Variants in PABPC4L observed in about 807,000 individuals in gnomAD.
PABPC4L encodes polyadenylate-binding protein 4-like.
For synonymous variants in PABPC4L, 169 were observed against 164.1 expected (o/e 1.03, Z -0.23); for missense variants, 452 against 451.4 (o/e 1.00, Z -0.01).
the PABPC4L span, among the ~76,000 whole-genome samples, chr4:134,140,107 T>C: frequency 6.6e-6 from 1 of 151,804 alleles, no homozygotes; most frequent in Non-Finnish European, 1.5e-5. Flanking sequence ...TCAAAGAATA[T>C]AAAGTTTTAG....
the PABPC4L span, among the ~76,000 whole-genome samples, chr4:133,966,921 G>A: frequency 6.6e-6 from 1 of 152,120 alleles, no homozygotes. Context: ...TGGTGTTCCG[G>A]TGAAAGAAAT....
chr4:134,119,315 C>T, the PABPC4L span, among the ~76,000 whole-genome samples: 2 of 151,676 alleles, frequency 1.3e-5, no homozygotes, highest in African/African-American at 4.8e-5. Context: ...TTTCTGACTA[C>T]AAACTGATAT....
chr4:133,992,133 G>A, the PABPC4L span, among the ~76,000 whole-genome samples: 2 of 152,160 alleles, frequency 1.3e-5, no homozygotes, highest in Non-Finnish European at 2.9e-5. Context: ...CAAATCATAA[G>A]GGAATGGGAT....
chr4:134,006,480 C>A, the PABPC4L span, among the ~76,000 whole-genome samples: 1 of 151,806 alleles, frequency 6.6e-6, no homozygotes, highest in Non-Finnish European at 1.5e-5. Flanking sequence ...GCTTTTTCAG[C>A]CTTTCTCAGT....
At chr4:134,107,611 A>G in the PABPC4L span, among the ~76,000 whole-genome samples, 1 of 151,630 alleles carries the variant, frequency 6.6e-6, no homozygotes, top group Non-Finnish European at 1.5e-5. Flanking sequence ...TTTTGTTGCA[A>G]CAGCCTTTTT....
the PABPC4L span, among the ~76,000 whole-genome samples, chr4:134,038,448 G>C: frequency 1.3e-5 from 2 of 152,066 alleles, no homozygotes; most frequent in Admixed American, 6.6e-5. Flanking sequence ...AATCCATCTG[G>C]TCCAGGACTT....
the PABPC4L span, among the ~76,000 whole-genome samples, chr4:134,153,247 T>C: frequency 6.6e-6 from 1 of 152,162 alleles, no homozygotes; most frequent in Non-Finnish European, 1.5e-5. Flanking sequence ...AATCGCAATA[T>C]AAAATTCATC....
chr4:134,011,620 T>A, the PABPC4L span, among the ~76,000 whole-genome samples: 1 of 152,164 alleles, frequency 6.6e-6, no homozygotes, highest in Non-Finnish European at 1.5e-5. Flanking sequence ...AATACGATTA[T>A]TTTATTCTCT....
the PABPC4L span, among the ~76,000 whole-genome samples, chr4:134,182,279 A>T: frequency 6.6e-6 from 1 of 152,168 alleles, no homozygotes; most frequent in African/African-American, 2.4e-5. Context: ...GACCAGTGGA[A>T]CATAATAGAG....
chr4:134,065,346 T>C, the PABPC4L span, among the ~76,000 whole-genome samples: 1 of 151,952 alleles, frequency 6.6e-6, no homozygotes, highest in Non-Finnish European at 1.5e-5. Flanking sequence ...CTAATATTAG[T>C]GATGTTGAGC....
chr4:134,070,401 A>T, the PABPC4L span, among the ~76,000 whole-genome samples: 4 of 152,218 alleles, frequency 2.6e-5, no homozygotes, highest in Admixed American at 2.6e-4. Context: ...TCATACCAGC[A>T]GCAGGGGTGG....
At chr4:134,170,552 T>C in the PABPC4L span, among the ~76,000 whole-genome samples, 2 of 152,202 alleles carry the variant, frequency 1.3e-5, no homozygotes, top group East Asian at 3.9e-4. Flanking sequence ...TTTAAAATCA[T>C]AGCAGAAGGT....
chr4:134,082,317 G>C, the PABPC4L span, among the ~76,000 whole-genome samples: 69 of 152,038 alleles, frequency 4.5e-4, no homozygotes, highest in African/African-American at 1.6e-3. Context: ...TGAAAAAAAA[G>C]ATTACTTGGT....
At chr4:134,110,774 T>C in the PABPC4L span, among the ~76,000 whole-genome samples, 2 of 152,034 alleles carry the variant, frequency 1.3e-5, no homozygotes, top group South Asian at 2.1e-4. Flanking sequence ...GAATATAATG[T>C]AAATGCTATG....
the PABPC4L span, among the ~76,000 whole-genome samples, chr4:134,018,606 G>A: frequency 0.82 from 124,421 of 152,104 alleles, 51,438 homozygotes; most frequent in East Asian, 1. Context: ...TATATACTAT[G>A]TTTGGATATC....
At chr4:134,024,281 C>T in the PABPC4L span, among the ~76,000 whole-genome samples, 3 of 152,074 alleles carry the variant, frequency 2.0e-5, no homozygotes, top group Non-Finnish European at 4.4e-5. Context: ...GTGTATAGAA[C>T]CTCATTTTCC....
At chr4:133,986,405 T>C in the PABPC4L span, among the ~76,000 whole-genome samples, 91 of 152,156 alleles carry the variant, frequency 6.0e-4, no homozygotes, top group Admixed American at 1.4e-3. Flanking sequence ...CACTACAAGT[T>C]AGAAAAAAGC....
the PABPC4L span, among the ~76,000 whole-genome samples, chr4:134,022,344 A>G: frequency 6.6e-6 from 1 of 152,086 alleles, no homozygotes; most frequent in South Asian, 2.1e-4. Context: ...AACATCCCCA[A>G]AATCTTCAGT....
At chr4:134,095,413 T>C in the PABPC4L span, among the ~76,000 whole-genome samples, 2 of 152,026 alleles carry the variant, frequency 1.3e-5, no homozygotes, top group East Asian at 3.9e-4. Context: ...TTTGTATGTA[T>C]GTATGCATTT....
Sources: gnomAD v4.1 joint callset for allele counts (sites outside exome capture counted in the v4.1 genomes callset) on GRCh38, gnomAD v4.1.1 for gene constraint, MANE v1.5 for transcripts, NCBI Gene and HGNC (gene_info 2026-07-23, HGNC 2026-07-21) for gene names.